The following DPF3 variants were observed in gnomAD, a reference collection of about 807,000 sequenced individuals.
The protein encoded by DPF3 is zinc finger protein DPF3.
In DPF3, 18 loss-of-function variants were observed where a neutral mutation model predicts 56.8. The ratio of observed to expected loss-of-function variants is 0.32; its 90% CI spans 0.22 to 0.47. The LOEUF is 0.47. Among genes scored for constraint, DPF3 ranks in the 20% least tolerant of loss-of-function variants. The probability of loss-of-function intolerance (pLI) is 1.00; values close to 1 mark genes in which losing one functional copy is unlikely to be tolerated. For missense variants in DPF3, 403 were observed against 488.8 expected, an observed-to-expected ratio of 0.82 and a Z score of 1.65; for synonymous variants, 188 against 180.2, an observed-to-expected ratio of 1.04 and a Z score of -0.35.
At chr14:72,815,056 C>A (rs1163606443) in intron 1 of DPF3, among the ~76,000 whole-genome samples, 1 of 152,072 alleles carries the variant, frequency 6.6e-6, no homozygotes, top group Non-Finnish European at 1.5e-5. Flanking sequence ...AAGCTACAGA[C>A]TGAGAGAAAA....
At chr14:72,683,484 T>C (rs565489942) in intron 7 of DPF3, among the ~76,000 whole-genome samples, 21 of 151,970 alleles carry the variant, frequency 1.4e-4, no homozygotes, top group Non-Finnish European at 2.8e-4. Flanking sequence ...GGTGTGACAG[T>C]CATGTCACCC....
chr14:72,815,829 C>T lies in DPF3; in HGVS notation c.33-43936G>A, dbSNP rs374407214. ...TCAGTTTCCTTATCTTTTTCAGCTC[C>T]TAGAAGCCACCTGCATTCCTTGACC... is the stretch of plus-strand genomic sequence containing the variant. On this transcript the variant is annotated intron_variant, in intron 1 of 10. Coordinates refer to ENST00000556509, the MANE Select transcript of DPF3 (RefSeq NM_001280542.3). Among the ~76,000 whole-genome samples, 12 of 152,304 alleles carry T rather than the reference C, an allele frequency of 7.9e-5. No homozygotes were observed. The South Asian group carries it at 1.2e-3, about 16-fold the overall frequency.
At chr14:72,853,115 C>G (rs1885048065) in intron 1 of DPF3, 1 of 149,994 alleles carries the variant, frequency 6.7e-6, no homozygotes, top group African/African-American at 2.4e-5. Flanking sequence ...TACAAAAACT[C>G]CTTAGCTTTG....
At chr14:72,886,240 C>T (rs944534426) in intron 1 of DPF3, among the ~76,000 whole-genome samples, 9 of 152,096 alleles carry the variant, frequency 5.9e-5, no homozygotes, top group African/African-American at 9.7e-5. Context: ...GGTGTAATGG[C>T]GCATGCCTAC....
chr14:72,707,095 C>G (rs1023529442), intron 6 of DPF3, among the ~76,000 whole-genome samples: 3 of 151,698 alleles, frequency 2.0e-5, no homozygotes, highest in East Asian at 3.9e-4. Context: ...TTTGTTCTTG[C>G]GATAGTTTAC....
intron 8 of DPF3, among the ~76,000 whole-genome samples, chr14:72,654,178 C>T (rs187277237): frequency 6.6e-6 from 1 of 152,298 alleles, no homozygotes; most frequent in Admixed American, 6.5e-5. Context: ...TCGTAACATA[C>T]CTGTGACTCC....
chr14:72,653,783 T>G (rs1055387030), intron 8 of DPF3, among the ~76,000 whole-genome samples: 2 of 152,160 alleles, frequency 1.3e-5, no homozygotes, highest in African/African-American at 4.8e-5. Flanking sequence ...GCAGGTAGTG[T>G]CATCGCAGTT....
At chr14:72,879,804 C>A in intron 1 of DPF3, 1 of 1,535,166 alleles carries the variant, frequency 6.5e-7, no homozygotes, top group South Asian at 1.2e-5. Flanking sequence ...AGGTTCTTAC[C>A]CTAGAGCCCA....
chr14:72,649,668 G>T (rs1885845353), intron 8 of DPF3, among the ~76,000 whole-genome samples: 1 of 122,226 alleles, frequency 8.2e-6, no homozygotes, highest in Non-Finnish European at 1.7e-5. Flanking sequence ...GGTGGGGGGG[G>T]GGATTAATGT....
At chr14:72,758,978 A>C (rs1409994476) in intron 2 of DPF3, among the ~76,000 whole-genome samples, 1 of 152,238 alleles carries the variant, frequency 6.6e-6, no homozygotes, top group East Asian at 1.9e-4. Context: ...ACTTATAATA[A>C]GGAGAAAAAT....
At chr14:72,827,735 C>T (rs1194875564) in intron 1 of DPF3, among the ~76,000 whole-genome samples, 1 of 151,982 alleles carries the variant, frequency 6.6e-6, no homozygotes, top group African/African-American at 2.4e-5. Flanking sequence ...CTGCCTCAGC[C>T]TCCCAAAGTG....
chr14:72,835,495 T>C (rs1351791592), intron 1 of DPF3, among the ~76,000 whole-genome samples: 2 of 152,206 alleles, frequency 1.3e-5, no homozygotes, highest in African/African-American at 2.4e-5. Context: ...GTGAATTTTC[T>C]CTCAACAGAA....
At chr14:72,831,332 C>G (rs1884049935) in intron 1 of DPF3, among the ~76,000 whole-genome samples, 1 of 151,516 alleles carries the variant, frequency 6.6e-6, no homozygotes, top group African/African-American at 2.4e-5. Flanking sequence ...GCAGGCAAAG[C>G]ACTGGTAGCT....
At chr14:72,867,277 G>A (rs1885713267) in intron 1 of DPF3, among the ~76,000 whole-genome samples, 1 of 152,146 alleles carries the variant, frequency 6.6e-6, no homozygotes, top group Non-Finnish European at 1.5e-5. Flanking sequence ...GAGATGAGTT[G>A]CACTGTATGG....
At chr14:72,749,243 T>A (rs1363420762) in intron 3 of DPF3, among the ~76,000 whole-genome samples, 2 of 152,186 alleles carry the variant, frequency 1.3e-5, no homozygotes, top group African/African-American at 4.8e-5. Context: ...TCAAAGGAGA[T>A]CATTTTGGAG....
intron 1 of DPF3, among the ~76,000 whole-genome samples, chr14:72,865,575 T>C (rs976213490): frequency 2.0e-5 from 3 of 152,162 alleles, no homozygotes; most frequent in African/African-American, 7.2e-5. Context: ...GGAAAAACAT[T>C]GGACTATTCT....
At chr14:72,701,505 C>T (rs575777547) in intron 6 of DPF3, among the ~76,000 whole-genome samples, 1 of 152,314 alleles carries the variant, frequency 6.6e-6, no homozygotes, top group Admixed American at 6.5e-5. Context: ...ACTGCACGCC[C>T]CCTGCCCTCC....
intron 1 of DPF3, among the ~76,000 whole-genome samples, chr14:72,788,791 T>C (rs1353864243): frequency 6.6e-6 from 1 of 152,116 alleles, no homozygotes; most frequent in Non-Finnish European, 1.5e-5. Context: ...GGTTGGTGGG[T>C]TGTCCCTTAT....
rs1883652421 is a variant in DPF3, at chr14:72,610,401, C to T, written c.*8896G>A. Among the ~76,000 whole-genome samples, 1 of 152,192 alleles carries T rather than the reference C, an allele frequency of 6.6e-6. No homozygotes were observed. Among genetic ancestry groups the T allele is most frequent in the Non-Finnish European group, 1.5e-5 (1 of 68,034 alleles). ...CCACCCAGAGGAATCCCAGCGTTCA[C>T]AAATGGAGGCGCCCTCACCAAAGCC... On this transcript the variant is annotated 3_prime_UTR_variant, in exon 11 of 11. Transcript: ENST00000556509.
Sources: allele counts gnomAD v4.1 joint callset (sites outside exome capture counted in the v4.1 genomes callset), GRCh38; gene constraint gnomAD v4.1.1; transcripts MANE v1.5; gene names NCBI Gene and HGNC (gene_info 2026-07-23, HGNC 2026-07-21).